The following SCD5 variants were observed in gnomAD, a reference collection of about 807,000 sequenced individuals.
SCD5 encodes acyl-CoA-desaturase 4.
A neutral mutation model predicts 30.4 loss-of-function variants in SCD5; 20 were observed. The observed-to-expected ratio is 0.66, with a 90% CI of 0.46 to 0.96. The LOEUF is 0.96. SCD5 is among the 40% of genes least tolerant of loss of function. The pLI is 0.00. For synonymous variants in SCD5, 173 were observed against 176.4 expected (o/e 0.98, Z 0.16); for missense variants, 381 against 443.3 (o/e 0.86, Z 1.26).
At chr4:82,788,156 T>C (rs1015182197) in intron 1 of SCD5, among the ~76,000 whole-genome samples, 1 of 152,208 alleles carries the variant, frequency 6.6e-6, no homozygotes, top group Non-Finnish European at 1.5e-5. Context: ...AGTGGGTCCT[T>C]ACCAGACGCC....
Position 82,782,498 on chromosome 4 carries a change from C to T in SCD5, c.232+15808G>A, listed in dbSNP as rs149431277. Among the ~76,000 whole-genome samples, 14 of 152,210 alleles carry T rather than the reference C, an allele frequency of 9.2e-5. No individual in the cohort carries two copies. In the East Asian group the frequency reaches 1.5e-3, roughly 17 times the overall value. ...CACCAATCCTAGAAAAGAAGGTTTC[C>T]TGTTCCTCTCCCAAGGTGCAGGTTA... On this transcript the variant is annotated intron_variant, in intron 1 of 4. Coordinates refer to ENST00000319540, the MANE Select transcript of SCD5 (RefSeq NM_001037582.3).
intron 4 of SCD5, among the ~76,000 whole-genome samples, chr4:82,633,738 T>C (rs1465728580): frequency 2.6e-5 from 4 of 152,256 alleles, no homozygotes; most frequent in African/African-American, 9.6e-5. Flanking sequence ...GATTAGTTCA[T>C]TTGATTTTCA....
chr4:82,634,153 G>C (rs982983270), intron 4 of SCD5, among the ~76,000 whole-genome samples: 1 of 152,184 alleles, frequency 6.6e-6, no homozygotes. Flanking sequence ...CCATCCATCA[G>C]TTGATGGACA....
At chr4:82,755,644 G>A (rs537681684) in intron 1 of SCD5, among the ~76,000 whole-genome samples, 8 of 152,224 alleles carry the variant, frequency 5.3e-5, no homozygotes, top group Admixed American at 1.3e-4. Flanking sequence ...TAAACAATGC[G>A]CTCAAAAAGG....
intron 4 of SCD5, among the ~76,000 whole-genome samples, chr4:82,634,506 T>C (rs1727383310): frequency 6.6e-6 from 1 of 152,080 alleles, no homozygotes. Context: ...TCATTTTTAG[T>C]GTTTTTCCTG....
rs58937590 is a variant in SCD5 at position 82,687,173 on chromosome 4, GAAAAAA to G, written c.364-6267_364-6262del. ...GCAACAGAGTAAGACCTTGTTACAA[GAAAAAA>G]AAAAAAAAAAGAAAGAAAGAAAGAA... On this transcript the variant is annotated intron_variant, in intron 2 of 4. Coordinates refer to ENST00000319540, the MANE Select transcript of SCD5 (RefSeq NM_001037582.3). Among the ~76,000 whole-genome samples the G allele has an allele frequency of 4.6e-5, 5 of 108,632 alleles. No individual in the cohort carries two copies. The East Asian group carries it at 1.1e-3, about 23-fold the overall frequency. The allele number at this position is 108,632 out of a possible 152,430, so 71.3% of individuals were successfully genotyped here. A position where few individuals can be genotyped will look rare whatever the true frequency, so the allele number is the denominator to read the frequency against.
intron 1 of SCD5, among the ~76,000 whole-genome samples, chr4:82,758,027 C>G (rs1408412923): frequency 6.6e-6 from 1 of 152,126 alleles, no homozygotes; most frequent in South Asian, 2.1e-4. Context: ...GTGATTGCAC[C>G]CCATTTCCAA....
intron 2 of SCD5, among the ~76,000 whole-genome samples, chr4:82,699,487 C>T (rs1359252701): frequency 1.3e-5 from 2 of 151,420 alleles, no homozygotes; most frequent in South Asian, 2.1e-4. Context: ...CAGGTTCAAG[C>T]GATTCTCATG....
chr4:82,705,377 G>A lies in SCD5; in HGVS notation c.269C>T (p.Thr90Ile), dbSNP rs1020816966. ...GCTCCACAAGCGATGGGCACCAGCT[G>A]TCACACCCAGAGCGGCCAGGAGGAA... ...FCFLLAALGV[T>I]AGAHRLWSHR... is the part of the protein sequence containing the mutation. Residue 90 changes from threonine (T) to isoleucine (I), a missense_variant, in exon 2 of 5, where the codon ACA (threonine) becomes ATA (isoleucine). By Grantham distance (89) the Thr-to-Ile change is moderately conservative (BLOSUM62 -1). Transcript: ENST00000319540. 1 of 1,614,114 alleles carries A rather than the reference G, an allele frequency of 6.2e-7. No homozygotes were observed. The highest frequency in any genetic ancestry group is 1.3e-5 in the African/African-American group (1 of 74,942).
At chr4:82,736,756 G>C (rs949918039) in intron 1 of SCD5, among the ~76,000 whole-genome samples, 1 of 151,802 alleles carries the variant, frequency 6.6e-6, no homozygotes, top group African/African-American at 2.4e-5. Flanking sequence ...TCGACCTTCT[G>C]GGCTCAAGAG....
chr4:82,642,294 G>A (rs928580263), intron 3 of SCD5, among the ~76,000 whole-genome samples: 11 of 152,090 alleles, frequency 7.2e-5, no homozygotes, highest in Admixed American at 6.5e-4. Context: ...AGTATAACCT[G>A]CTGCTCACTC....
At chr4:82,769,735 A>C (rs1220813177) in intron 1 of SCD5, among the ~76,000 whole-genome samples, 2 of 152,174 alleles carry the variant, frequency 1.3e-5, no homozygotes, top group African/African-American at 4.8e-5. Flanking sequence ...AAAGGGTCCC[A>C]ATGTCTCTGA....
At chr4:82,796,076 C>T (rs112598106) in intron 1 of SCD5, among the ~76,000 whole-genome samples, 3,435 of 151,856 alleles carry the variant, frequency 0.023, 55 homozygotes, top group Middle Eastern at 0.031. Context: ...TGAGACCATC[C>T]TGGCTAACAC....
intron 1 of SCD5, among the ~76,000 whole-genome samples, chr4:82,787,287 A>G (rs1039629138): frequency 2.0e-5 from 3 of 151,404 alleles, no homozygotes; most frequent in African/African-American, 7.3e-5. Context: ...TAAAGAACAC[A>G]TTCTAAGTCA....
chr4:82,681,425 C>CT (rs1280470828), intron 2 of SCD5, among the ~76,000 whole-genome samples: 1 of 152,150 alleles, frequency 6.6e-6, no homozygotes, highest in Non-Finnish European at 1.5e-5. Context: ...TATATTCCTT[C>CT]AGGCATATAC....
chr4:82,641,330 C>G (rs1727541684), intron 3 of SCD5, among the ~76,000 whole-genome samples: 1 of 146,112 alleles, frequency 6.8e-6, no homozygotes, highest in African/African-American at 2.5e-5. Flanking sequence ...CAGGGGTATA[C>G]TGGCAGAGAT....
chr4:82,648,849 C>G (rs567871446), intron 3 of SCD5, among the ~76,000 whole-genome samples: 1 of 152,040 alleles, frequency 6.6e-6, no homozygotes, highest in African/African-American at 2.4e-5. Context: ...AGGAGTCGGT[C>G]GTGCCGAGAC....
chr4:82,788,878 A>C (rs2148853660), intron 1 of SCD5, among the ~76,000 whole-genome samples: 1 of 152,360 alleles, frequency 6.6e-6, no homozygotes, highest in East Asian at 1.9e-4. Flanking sequence ...TGAATGCAAC[A>C]AGCCACCATG....
chr4:82,758,552 C>T (rs1721278910), intron 1 of SCD5, among the ~76,000 whole-genome samples: 1 of 152,158 alleles, frequency 6.6e-6, no homozygotes, highest in African/African-American at 2.4e-5. Flanking sequence ...AGAAACTTAA[C>T]ATTCATATGT....
Sources: gnomAD v4.1 joint callset for allele counts (sites outside exome capture counted in the v4.1 genomes callset) on GRCh38, gnomAD v4.1.1 for gene constraint, MANE v1.5 for transcripts, NCBI Gene and HGNC (gene_info 2026-07-23, HGNC 2026-07-21) for gene names.